PHOX2A: variants seen among roughly 807,000 people sequenced by gnomAD.
The protein encoded by PHOX2A is paired mesoderm homeobox protein 2A.
PHOX2A carries 10 observed loss-of-function variants against 16.4 expected under a neutral mutation model. That is an observed-to-expected ratio of 0.61 (90% CI 0.38 to 1.04). PHOX2A has a LOEUF of 1.04. Ranked by LOEUF, PHOX2A falls within the 50% of genes least tolerant of loss-of-function variation. The probability of loss-of-function intolerance (pLI) is 0.01; values close to 1 mark genes in which losing one functional copy is unlikely to be tolerated. For synonymous variants in PHOX2A, 219 were observed against 203.8 expected (o/e 1.07, Z -0.64); for missense variants, 361 against 419.4 (o/e 0.86, Z 1.22).
chr11:72,243,650 G>A (rs1186475619), intron 1 of PHOX2A, 138 bp downstream of exon 1: 1 of 420,772 alleles, frequency 2.4e-6, no homozygotes, highest in Non-Finnish European at 4.1e-6. Flanking sequence ...CTCGTATTCT[G>A]GGGGTCTCTC....
In PHOX2A at chr11:72,240,212, G is replaced by A. The variant is rs1358463446; in HGVS notation, c.406-14C>T. 1.1e-5 allele frequency: 17 copies of A among 1,532,772 alleles called. No individual in the cohort carries two copies. Among genetic ancestry groups the A allele is most frequent in the Non-Finnish European group, 1.5e-5 (17 of 1,145,176 alleles). The allele number at this position is 1,532,772 out of a possible 1,614,324, so 94.9% of individuals were successfully genotyped here. ...CTGGAACCAGACCTGCGGGCACAGGGGCCAGTCAGCCTGGACGAGGGTCGG... is the reference window on the plus strand; with the variant it reads ...CTGGAACCAGACCTGCGGGCACAGGAGCCAGTCAGCCTGGACGAGGGTCGG... On this transcript the variant is annotated splice_polypyrimidine_tract_variant and intron_variant, in intron 2 of 2. Transcript: ENST00000298231.
In PHOX2A at chr11:72,241,122, G is replaced by C; in HGVS notation, c.385C>G (p.Leu129Val). Reference sequence around the variant, plus strand: ...CGCACCTGCACGCGAGCCTCAGTGAGGTCGATCTTGAGCGCCAGCTCCTCA... The same window carrying C: ...CGCACCTGCACGCGAGCCTCAGTGACGTCGATCTTGAGCGCCAGCTCCTCA... ...TREELALKID[L>V]TEARVQVWFQ... Residue 129 changes from leucine (L) to valine (V), a missense_variant, in exon 2 of 3, where the codon CTC becomes GTC. Physicochemically the swap from Leu to Val is conservative, Grantham distance 32. Coordinates refer to ENST00000298231, the MANE Select transcript of PHOX2A (RefSeq NM_005169.4). 6.2e-7 allele frequency: 1 copy of C among 1,614,024 alleles called. No homozygotes were observed. Among genetic ancestry groups the C allele is most frequent in the South Asian group, 1.1e-5 (1 of 91,086 alleles).
chr11:72,241,110 G>C lies in PHOX2A; in HGVS notation c.397C>G (p.Arg133Gly). ...LALKIDLTEARVQVWFQNRRA... is the reference protein window; with the variant it reads ...LALKIDLTEAGVQVWFQNRRA... ...CACGTGCATACACGCACCTGCACGC[G>C]AGCCTCAGTGAGGTCGATCTTGAGC... is the stretch of plus-strand genomic sequence containing the variant. Residue 133 changes from arginine (R) to glycine (G), a missense_variant, in exon 2 of 3, where the codon CGC (arginine) becomes GGC (glycine). By Grantham distance (125) the Arg-to-Gly change is moderately radical (BLOSUM62 -2). Coordinates refer to ENST00000298231, the MANE Select transcript of PHOX2A (RefSeq NM_005169.4). The C allele has an allele frequency of 6.2e-7, 1 of 1,613,920 alleles. No homozygotes were observed. Among genetic ancestry groups the C allele is most frequent in the Non-Finnish European group, 8.5e-7 (1 of 1,180,026 alleles).
intron 1 of PHOX2A, among the ~76,000 whole-genome samples, chr11:72,242,514 T>C (rs1184778458): frequency 6.6e-6 from 1 of 152,160 alleles, no homozygotes. Context: ...CTCTGGAGGC[T>C]GTCTCCCCTC....
Position 72,241,167 on chromosome 11 carries a change from A to G in PHOX2A, c.340T>C (p.Tyr114His). The stretch of plus-strand genomic sequence containing the variant: ...TCCTCACGCGTGTAAATGTCGGGGT[A>G]GTGGGTCTCAGCGAAAACGCGCTCC... ...ELERVFAETH[Y>H]PDIYTREELA... The change falls in exon 2 of 3, where the codon TAC (tyrosine) becomes CAC (histidine). Residue 114 changes from tyrosine (Y) to histidine (H), a missense_variant. This residue lies in a region of PHOX2A where 235 missense variants were observed against 263.8 expected (regional missense o/e 0.89). Coordinates refer to ENST00000298231, the MANE Select transcript of PHOX2A (RefSeq NM_005169.4). The G allele has an allele frequency of 6.2e-7, 1 of 1,613,884 alleles. No individual in the cohort carries two copies. The highest frequency in any genetic ancestry group is 8.5e-7 in the Non-Finnish European group (1 of 1,179,996).
Position 72,240,142 on chromosome 11 carries a change from G to A in PHOX2A, c.462C>T (p.Ala154=). The change falls in exon 3 of 3, where the codon GCC becomes GCT. Residue 154 remains alanine (A), a synonymous_variant. Coordinates refer to ENST00000298231, the MANE Select transcript of PHOX2A (RefSeq NM_005169.4). ...KFRKQERAAS[A]KGAAGAAGAK... ...CGCCCGCCGCGCCCGCCGCGCCCTT[G>A]GCGCTGGCCGCGCGCTCCTGTTTGC... 1 of 1,534,280 alleles carries A rather than the reference G, an allele frequency of 6.5e-7. No individual in the cohort carries two copies. The highest frequency in any genetic ancestry group is 1.4e-5 in the African/African-American group (1 of 72,876).
At chr11:72,240,263 C>T in intron 2 of PHOX2A, 65 bp from the exon 3 acceptor site, 1 of 1,518,662 alleles carries the variant, frequency 6.6e-7, no homozygotes, top group East Asian at 2.5e-5. Context: ...AGCCCGCGGC[C>T]GCAAGGCTCG....
intron 1 of PHOX2A, among the ~76,000 whole-genome samples, chr11:72,242,823 ATTT>A (rs33910008): frequency 3.4e-5 from 5 of 146,450 alleles, no homozygotes; most frequent in African/African-American, 1.3e-4. Context: ...TGCCCAGCTA[ATTT>A]TTTTTTTTTT....
intron 2 of PHOX2A, 79 bp from the exon 3 acceptor site, chr11:72,240,277 GAGATCCTGGTTCGGAA>G: frequency 6.6e-7 from 1 of 1,505,378 alleles, no homozygotes; most frequent in Non-Finnish European, 8.8e-7. Flanking sequence ...AGGCTCGAGT[GAGATCCTGGTTCGGAA>G]AGAACCGGGC....
At position 72,243,967 on chromosome 11, in the gene PHOX2A, A is replaced by C. The variant is rs1949142371; in HGVS notation, c.38T>G (p.Val13Gly). ...YSYLNSYDSC[V>G]AAMEASAYGD... is the part of the protein sequence containing the mutation. ...GTAGGCGGACGCCTCCATGGCCGCCACGCACGAGTCGTACGAATTGAGGTA... is the reference window on the plus strand; with the variant it reads ...GTAGGCGGACGCCTCCATGGCCGCCCCGCACGAGTCGTACGAATTGAGGTA... Residue 13 changes from valine to glycine, a missense_variant, in exon 1 of 3, where the codon GTG becomes GGG. Transcript: ENST00000298231. 2 of 1,211,846 alleles carry C rather than the reference A, an allele frequency of 1.7e-6. No individual in the cohort carries two copies. Among genetic ancestry groups the C allele is most frequent in the Admixed American group, 7.0e-5 (2 of 28,690 alleles). 75.1% of individuals were successfully genotyped at this position (1,211,846 alleles called of 1,614,324 possible). A position where few individuals can be genotyped will look rare whatever the true frequency, so the allele number is the denominator to read the frequency against.
Position 72,241,298 on chromosome 11 carries a change from GT to G in PHOX2A, c.218-10del. 1 of 1,492,074 alleles carries G rather than the reference GT, an allele frequency of 6.7e-7. No homozygotes were observed. Among genetic ancestry groups the G allele is most frequent in the Non-Finnish European group, 8.9e-7 (1 of 1,119,058 alleles). The allele number at this position is 1,492,074 out of a possible 1,614,324, so 92.4% of individuals were successfully genotyped here. On this transcript the variant is annotated splice_polypyrimidine_tract_variant and intron_variant, in intron 1 of 2. Coordinates refer to ENST00000298231, the MANE Select transcript of PHOX2A (RefSeq NM_005169.4). The stretch of plus-strand genomic sequence containing the variant: ...GAAGAACTTGTAGGGCACTGCGGGT[GT>G]GTGCAGGGGGGCCGGGGGGGGGGCA...
rs777678122 is a variant in PHOX2A at position 72,241,262 on chromosome 11, G to C, written c.245C>G (p.Ser82Cys). The change falls in exon 2 of 3, where the codon TCC becomes TGC. Residue 82 changes from serine (S) to cysteine (C), a missense_variant. Ser to Cys is a moderately radical substitution (Grantham distance 112). Transcript: ENST00000298231. Reference protein sequence around the residue: ...AVPYKFFPEPSGLHEKRKQRR... With the variant: ...AVPYKFFPEPCGLHEKRKQRR... ...CTGCTTGCGCTTCTCGTGCAGGCCG[G>C]ATGGCTCTGGGAAGAACTTGTAGGG... 2.5e-6 allele frequency: 4 copies of C among 1,589,680 alleles called. No homozygotes were observed. The highest frequency in any genetic ancestry group is 1.9e-4 in the Middle Eastern group (1 of 5,402).
At chr11:72,241,953 C>A (rs117476547) in intron 1 of PHOX2A, among the ~76,000 whole-genome samples, 3,820 of 148,154 alleles carry the variant, frequency 0.026, 95 homozygotes, top group Non-Finnish European at 0.034. Context: ...CTCTCCTCTT[C>A]CTAATCTTCC....
At position 72,244,008 on chromosome 11, in the gene PHOX2A, C is replaced by T. The variant is rs1565403997; in HGVS notation, c.-4G>A. 1.6e-6 allele frequency: 2 copies of T among 1,270,690 alleles called. No individual in the cohort carries two copies. The highest frequency in any genetic ancestry group is 2.0e-6 in the Non-Finnish European group (2 of 999,350). 78.7% of individuals were successfully genotyped at this position (1,270,690 alleles called of 1,614,324 possible). A position where few individuals can be genotyped will look rare whatever the true frequency, so the allele number is the denominator to read the frequency against. On this transcript the variant is annotated 5_prime_UTR_variant, in exon 1 of 3. Coordinates refer to ENST00000298231, the MANE Select transcript of PHOX2A (RefSeq NM_005169.4). ...AATTGAGGTAGGAGTAGTCCATCGGCCCGGGGGGCGGGGGCGGGGGCCGGG... is the reference window on the plus strand; with the variant it reads ...AATTGAGGTAGGAGTAGTCCATCGGTCCGGGGGGCGGGGGCGGGGGCCGGG...
Position 72,239,938 on chromosome 11 carries a change from C to T in PHOX2A, c.666G>A (p.Pro222=). Residue 222 remains proline (P), a synonymous_variant, in exon 3 of 3, where the codon CCG becomes CCA. Transcript: ENST00000298231. The part of the protein sequence containing the change: ...VALGSGPGPG[P]GPQPLKGALW... ...GTGCGCCCTTGAGCGGCTGTGGCCC[C>T]GGCCCAGGTCCCGGCCCGGAGCCCA... 7.7e-7 allele frequency: 1 copy of T among 1,296,908 alleles called. No individual in the cohort carries two copies. The highest frequency in any genetic ancestry group is 9.8e-7 in the Non-Finnish European group (1 of 1,021,612). 80.3% of individuals were successfully genotyped at this position (1,296,908 alleles called of 1,614,324 possible).
chr11:72,241,479 A>G (rs1949120761), intron 1 of PHOX2A, among the ~76,000 whole-genome samples, 190 bp from the exon 2 acceptor site: 1 of 152,028 alleles, frequency 6.6e-6, no homozygotes, highest in South Asian at 2.1e-4. Context: ...CGGCGGGATA[A>G]AGGCGGAGGG....
rs1394206962 is a variant in PHOX2A at position 72,240,126 on chromosome 11, C to G, written c.478G>C (p.Ala160Pro). The change falls in exon 3 of 3, where the codon GCG (alanine) becomes CCG (proline). Residue 160 changes from alanine (A) to proline (P), a missense_variant. By Grantham distance (27) the Ala-to-Pro change is conservative. Around this residue, in one of 3 missense-constraint regions of PHOX2A, gnomAD observed 235 missense variants for 263.8 expected, o/e 0.89. Coordinates refer to ENST00000298231, the MANE Select transcript of PHOX2A (RefSeq NM_005169.4). ...RAASAKGAAGAAGAKKGEARC... is the reference protein window; with the variant it reads ...RAASAKGAAGPAGAKKGEARC... ...GCCTCGCCCTTTTTGGCGCCCGCCG[C>G]GCCCGCCGCGCCCTTGGCGCTGGCC... 6.5e-7 allele frequency: 1 copy of G among 1,532,648 alleles called. No homozygotes were observed. The highest frequency in any genetic ancestry group is 1.4e-5 in the African/African-American group (1 of 72,678). The allele number at this position is 1,532,648 out of a possible 1,614,324, so 94.9% of individuals were successfully genotyped here. A position where few individuals can be genotyped will look rare whatever the true frequency, so the allele number is the denominator to read the frequency against.
intron 2 of PHOX2A, 87 bp from the exon 3 acceptor site, chr11:72,240,285 G>C: frequency 6.7e-7 from 1 of 1,493,492 alleles, no homozygotes; most frequent in Non-Finnish European, 8.9e-7. Flanking sequence ...GTGAGATCCT[G>C]GTTCGGAAAG....
chr11:72,243,695 G>T, intron 1 of PHOX2A, 93 bp downstream of exon 1: 1 of 681,484 alleles, frequency 1.5e-6, no homozygotes, highest in South Asian at 6.6e-5. Context: ...GCAGGAATGG[G>T]GGCGGCTGAG....
Sources: gnomAD v4.1 joint callset for allele counts (sites outside exome capture counted in the v4.1 genomes callset) on GRCh38, gnomAD v4.1.1 for gene constraint, gnomAD v4.1.1 regional missense constraint, MANE v1.5 for transcripts, NCBI Gene and HGNC (gene_info 2026-07-23, HGNC 2026-07-21) for gene names.